Variants in EYS observed in about 807,000 individuals in gnomAD.
EYS encodes the protein EGF-like photoreceptor maintenance factor.
A neutral mutation model predicts 282.1 loss-of-function variants in EYS; 250 were observed. The observed-to-expected ratio is 0.89, with a 90% CI of 0.80 to 0.98. EYS has a LOEUF of 0.98. EYS is among the 50% of genes least tolerant of loss of function. The pLI is 0.00. For synonymous variants in EYS, 1,355 were observed against 1,282.9 expected (o/e 1.06, Z -1.20); for missense variants, 4,016 against 3,709.0 (o/e 1.08, Z -2.15).
intron 10 of EYS, among the ~76,000 whole-genome samples, chr6:65,338,063 T>C (rs1582156973): frequency 6.6e-6 from 1 of 151,262 alleles, no homozygotes; most frequent in South Asian, 2.1e-4. Flanking sequence ...GTCTAAGGGA[T>C]GTGATATGAA....
chr6:64,531,599 T>G (rs895704928), intron 26 of EYS, among the ~76,000 whole-genome samples: 155 of 147,340 alleles, frequency 1.1e-3, no homozygotes, highest in Non-Finnish European at 2.0e-3. Flanking sequence ...TTTTATTTTA[T>G]TTTTTGTATT....
intron 31 of EYS, among the ~76,000 whole-genome samples, chr6:64,113,831 C>G (rs918648913): frequency 6.6e-6 from 1 of 152,166 alleles, no homozygotes; most frequent in African/African-American, 2.4e-5. Flanking sequence ...TGTTTTAAAA[C>G]AGCTACGAAA....
chr6:63,916,081 T>C (rs546866552), intron 35 of EYS, among the ~76,000 whole-genome samples: 34 of 152,340 alleles, frequency 2.2e-4, no homozygotes, highest in Admixed American at 1.0e-3. Flanking sequence ...GAAATGTTTC[T>C]TAAAAGGAAG....
intron 35 of EYS, among the ~76,000 whole-genome samples, chr6:63,924,356 A>C (rs1242884255): frequency 6.6e-6 from 1 of 152,158 alleles, no homozygotes; most frequent in Admixed American, 6.5e-5. Context: ...CGTGTGGAAA[A>C]AGAAGAGCCT....
At chr6:64,157,081 T>A (rs994683069) in intron 31 of EYS, among the ~76,000 whole-genome samples, 1 of 128,818 alleles carries the variant, frequency 7.8e-6, no homozygotes, top group African/African-American at 3.0e-5. Flanking sequence ...AGTGTGATGT[T>A]CCCCTTCTGT....
rs575211986 is a variant in EYS at position 64,542,399 on chromosome 6, G to C, written c.5644+47824C>G. Among the ~76,000 whole-genome samples the C allele has an allele frequency of 1.2e-4, 18 of 151,900 alleles. No individual in the cohort carries two copies. In the South Asian group the frequency reaches 3.7e-3, roughly 32 times the overall value. On this transcript the variant is annotated intron_variant, in intron 26 of 42. Transcript: ENST00000503581. The stretch of plus-strand genomic sequence containing the variant: ...ATAGTTTATATACTTCTTCCCTTAG[G>C]GAGGAAAAACCTCTCAATTATACTG...
chr6:64,649,851 G>T (rs1768495197), intron 22 of EYS, among the ~76,000 whole-genome samples: 1 of 152,016 alleles, frequency 6.6e-6, no homozygotes, highest in Admixed American at 6.6e-5. Flanking sequence ...TAAGAAATTT[G>T]ATCTCATAAA....
intron 28 of EYS, among the ~76,000 whole-genome samples, chr6:64,432,272 G>T (rs1774596519): frequency 6.6e-6 from 1 of 151,930 alleles, no homozygotes; most frequent in Non-Finnish European, 1.5e-5. Context: ...GGATATTGTT[G>T]TCTTAAATCT....
intron 42 of EYS, among the ~76,000 whole-genome samples, chr6:63,722,298 A>T (rs555116011): frequency 6.6e-6 from 1 of 152,224 alleles, no homozygotes; most frequent in Non-Finnish European, 1.5e-5. Flanking sequence ...CCGCCACCCC[A>T]TTCCACCTCA....
chr6:65,634,084 C>T (rs1207419678), intron 2 of EYS, among the ~76,000 whole-genome samples: 2 of 152,208 alleles, frequency 1.3e-5, no homozygotes, highest in African/African-American at 4.8e-5. Flanking sequence ...ACTGGCTTGG[C>T]TCTTCTTTTC....
chr6:64,045,360 T>G (rs1317472041), intron 33 of EYS, among the ~76,000 whole-genome samples: 3 of 151,656 alleles, frequency 2.0e-5, no homozygotes, highest in Non-Finnish European at 4.4e-5. Context: ...AGTAACTCAT[T>G]TTTTAATGTT....
At chr6:65,228,710 CG>C (rs942687701) in intron 12 of EYS, among the ~76,000 whole-genome samples, 2 of 151,796 alleles carry the variant, frequency 1.3e-5, no homozygotes, top group African/African-American at 4.8e-5. Flanking sequence ...GAAAATGCTA[CG>C]AAAAAAATAG....
At chr6:65,369,746 C>T (rs1028606668) in intron 8 of EYS, among the ~76,000 whole-genome samples, 2 of 151,462 alleles carry the variant, frequency 1.3e-5, no homozygotes, top group African/African-American at 2.4e-5. Context: ...CTTCTATAGC[C>T]AAACGCCAGT....
intron 35 of EYS, among the ~76,000 whole-genome samples, chr6:63,886,264 G>A (rs1223033781): frequency 6.6e-6 from 1 of 152,090 alleles, no homozygotes; most frequent in Non-Finnish European, 1.5e-5. Flanking sequence ...ATTCTTTTGA[G>A]TACATTTTAC....
intron 22 of EYS, among the ~76,000 whole-genome samples, chr6:64,805,658 AG>A (rs1382270777): frequency 1.3e-5 from 2 of 151,428 alleles, no homozygotes; most frequent in East Asian, 1.9e-4. Flanking sequence ...GTTATGCAAA[AG>A]CTGGAACTAT....
At chr6:65,328,685 A>C (rs1404398292) in intron 11 of EYS, among the ~76,000 whole-genome samples, 2 of 151,032 alleles carry the variant, frequency 1.3e-5, no homozygotes, top group Admixed American at 1.3e-4. Flanking sequence ...AAAAAGCAGA[A>C]GCCTACTAGG....
chr6:63,915,794 C>T (rs1392019068), intron 35 of EYS, among the ~76,000 whole-genome samples: 1 of 152,116 alleles, frequency 6.6e-6, no homozygotes, highest in Admixed American at 6.5e-5. Context: ...GGTGAAAAAG[C>T]AAGAGAACTA....
At chr6:64,649,630 G>A (rs962712889) in intron 22 of EYS, among the ~76,000 whole-genome samples, 2 of 152,090 alleles carry the variant, frequency 1.3e-5, no homozygotes, top group East Asian at 3.9e-4. Context: ...GAGCCACCAC[G>A]CCCAGCCAAC....
intron 12 of EYS, among the ~76,000 whole-genome samples, chr6:65,218,855 G>A (rs902941773): frequency 7.2e-5 from 11 of 151,946 alleles, no homozygotes; most frequent in Non-Finnish European, 1.2e-4. Context: ...TTTTGTGGTC[G>A]GGTAGAGAAG....
Sources: gnomAD v4.1 joint callset for allele counts (sites outside exome capture counted in the v4.1 genomes callset) on GRCh38, gnomAD v4.1.1 for gene constraint, MANE v1.5 for transcripts, NCBI Gene and HGNC (gene_info 2026-07-23, HGNC 2026-07-21) for gene names.